Variants in FAM227A observed in about 807,000 individuals in gnomAD.
The protein encoded by FAM227A is protein FAM227A.
FAM227A carries 80 observed loss-of-function variants against 74.7 expected under a neutral mutation model. That is an observed-to-expected ratio of 1.07 (90% CI 0.89 to 1.29). The LOEUF is 1.29. FAM227A is among the 50% of genes most tolerant of loss of function. The pLI is 0.00. For missense variants in FAM227A, 654 were observed against 683.4 expected (o/e 0.96, Z 0.48); for synonymous variants, 237 against 241.8 (o/e 0.98, Z 0.19).
At chr22:38,586,289 G>T in intron 16 of FAM227A, 90 bp from the exon 17 acceptor site, 1 of 1,390,958 alleles carries the variant, frequency 7.2e-7, no homozygotes, top group Non-Finnish European at 9.8e-7. Flanking sequence ...GGCGTGGCCA[G>T]TGGTGATCCT....
chr22:38,604,739 C>T (rs540603015), intron 13 of FAM227A, among the ~76,000 whole-genome samples: 11 of 152,146 alleles, frequency 7.2e-5, no homozygotes, highest in South Asian at 6.2e-4. Context: ...CTGCAACATC[C>T]GCCTCCCAGG....
intron 10 of FAM227A, 35 bp from the exon 11 acceptor site, chr22:38,620,326 T>C: frequency 2.7e-6 from 4 of 1,470,218 alleles, no homozygotes; most frequent in Non-Finnish European, 1.9e-6. Flanking sequence ...TAATTCCTCT[T>C]GTCATGGGAC....
At chr22:38,623,774 C>T (rs2075900115) in intron 9 of FAM227A, among the ~76,000 whole-genome samples, 1 of 152,216 alleles carries the variant, frequency 6.6e-6, no homozygotes, top group Non-Finnish European at 1.5e-5. Flanking sequence ...CTTCTTTATA[C>T]CTCCAGAGCT....
At chr22:38,639,395 C>A (rs148665288) in intron 4 of FAM227A, among the ~76,000 whole-genome samples, 1 of 143,314 alleles carries the variant, frequency 7.0e-6, no homozygotes, top group East Asian at 2.0e-4. Flanking sequence ...GGAGACAGAG[C>A]GAGACTCCGT....
At chr22:38,616,593 G>A (rs2091581233) in intron 11 of FAM227A, among the ~76,000 whole-genome samples, 1 of 151,924 alleles carries the variant, frequency 6.6e-6, no homozygotes, top group African/African-American at 2.4e-5. Context: ...TTGAACCTGG[G>A]AGGTGGAGGT....
rs569918228 is a variant in FAM227A at position 38,636,378 on chromosome 22, G to C, written c.519+73C>G. The C allele has an allele frequency of 4.1e-6, 6 of 1,474,848 alleles. No individual in the cohort carries two copies. The African/African-American group carries it at 8.4e-5, about 21-fold the overall frequency. 91.4% of individuals were successfully genotyped at this position (1,474,848 alleles called of 1,614,324 possible). A position where few individuals can be genotyped will look rare whatever the true frequency, so the allele number is the denominator to read the frequency against. ...TAGGTGAGTTCCTCAGTTTCTCCTG[G>C]GGTGTGAAAGGGTGACAGCTGCATT... On this transcript the variant is annotated intron_variant, in intron 6 of 16. Transcript: ENST00000535113.
intron 1 of FAM227A, among the ~76,000 whole-genome samples, chr22:38,655,790 TG>T (rs1382946918): frequency 6.6e-6 from 1 of 152,138 alleles, no homozygotes; most frequent in Non-Finnish European, 1.5e-5. Flanking sequence ...TAATGCAGGG[TG>T]GTGTAGTTGG....
intron 9 of FAM227A, 82 bp from the exon 10 acceptor site, chr22:38,623,361 G>T: frequency 1.1e-6 from 1 of 896,458 alleles, no homozygotes; most frequent in Non-Finnish European, 1.8e-6. Context: ...AAGCCAAGGT[G>T]GGAGGATTGC....
intron 13 of FAM227A, among the ~76,000 whole-genome samples, chr22:38,601,608 G>C (rs1228341556): frequency 6.6e-6 from 1 of 152,142 alleles, no homozygotes; most frequent in Non-Finnish European, 1.5e-5. Flanking sequence ...TGACTGTGAG[G>C]GTAAGAATGG....
chr22:38,592,472 G>T (rs147115419), intron 15 of FAM227A, among the ~76,000 whole-genome samples: 3,409 of 152,152 alleles, frequency 0.022, 52 homozygotes, highest in Middle Eastern at 0.058. Context: ...ACTTTAAAAC[G>T]TTCTGGCCAT....
rs2090790885 is a variant in FAM227A at position 38,585,694 on chromosome 22, C to G, written c.*431G>C. On this transcript the variant is annotated 3_prime_UTR_variant, in exon 17 of 17. Coordinates refer to ENST00000535113, the MANE Select transcript of FAM227A (RefSeq NM_001013647.2). ...TCTTCCCTCTACCAGATGGTGACTC[C>G]CTTGAGAACAGGGACTGTGTCTTAT... 1.5e-5 allele frequency: 3 copies of G among 200,620 alleles called. No individual in the cohort carries two copies. The Admixed American group carries it at 1.6e-4, about 10-fold the overall frequency. 12.4% of individuals were successfully genotyped at this position (200,620 alleles called of 1,614,324 possible).
intron 10 of FAM227A, among the ~76,000 whole-genome samples, chr22:38,621,442 G>A (rs1408076681): frequency 6.6e-6 from 1 of 151,298 alleles, no homozygotes; most frequent in Non-Finnish European, 1.5e-5. Context: ...TCGTATCTAT[G>A]AAGGGATCAG....
chr22:38,644,094 C>T (rs1172066241), intron 3 of FAM227A, among the ~76,000 whole-genome samples: 3 of 138,850 alleles, frequency 2.2e-5, no homozygotes, highest in Non-Finnish European at 3.0e-5. Flanking sequence ...TGCAGTGAGC[C>T]GAGATCACGC....
chr22:38,580,079 C>T lies in FAM227A; in HGVS notation c.*6046G>A, dbSNP rs556020427. On this transcript the variant is annotated 3_prime_UTR_variant, in exon 17 of 17. Transcript: ENST00000535113. ...AGGACTACAGGCGTATGCCACCTTG[C>T]TCTGCTAATTTTTACTTTTTTTGTA... 1 of 143,750 alleles carries T rather than the reference C, an allele frequency of 7.0e-6. No individual in the cohort carries two copies. The highest frequency in any genetic ancestry group is 2.1e-4 in the East Asian group (1 of 4,674). 8.9% of individuals were successfully genotyped at this position (143,750 alleles called of 1,614,324 possible). A position where few individuals can be genotyped will look rare whatever the true frequency, so the allele number is the denominator to read the frequency against.
At chr22:38,639,962 G>A (rs2092079611) in intron 3 of FAM227A, among the ~76,000 whole-genome samples, 1 of 152,032 alleles carries the variant, frequency 6.6e-6, no homozygotes, top group Admixed American at 6.6e-5. Flanking sequence ...GTGATTTAGA[G>A]CAGGAATTAG....
chr22:38,628,667 C>T (rs1046378623), intron 7 of FAM227A, among the ~76,000 whole-genome samples, 167 bp downstream of exon 7: 3 of 152,106 alleles, frequency 2.0e-5, no homozygotes, highest in Non-Finnish European at 4.4e-5. Flanking sequence ...GGCTGAAGCA[C>T]AGGGTGTGTG....
At chr22:38,629,130 A>G (rs957476490) in intron 6 of FAM227A, 195 bp from the exon 7 acceptor site, 26 of 478,526 alleles carry the variant, frequency 5.4e-5, no homozygotes, top group Middle Eastern at 5.5e-4. Context: ...AGATGAGGAA[A>G]CCGAGGACCA....
chr22:38,597,964 A>G (rs2091084045), intron 14 of FAM227A, among the ~76,000 whole-genome samples: 1 of 146,320 alleles, frequency 6.8e-6, no homozygotes, highest in Non-Finnish European at 1.5e-5. Flanking sequence ...AATCGCTTGA[A>G]CCCAGGAGGC....
At chr22:38,641,644 A>AT (rs2145683917) in intron 3 of FAM227A, among the ~76,000 whole-genome samples, 1 of 151,714 alleles carries the variant, frequency 6.6e-6, no homozygotes, top group East Asian at 1.9e-4. Context: ...CATCTTCATC[A>AT]TTGTAATCCT....
Sources: gnomAD v4.1 joint callset for allele counts (sites outside exome capture counted in the v4.1 genomes callset) on GRCh38, gnomAD v4.1.1 for gene constraint, MANE v1.5 for transcripts, NCBI Gene and HGNC (gene_info 2026-07-23, HGNC 2026-07-21) for gene names.